Variants in CCDC34 observed in about 807,000 individuals in gnomAD.
The protein encoded by CCDC34 is coiled-coil domain containing 34, also known as coiled-coil domain-containing protein 34.
A neutral mutation model predicts 44.1 loss-of-function variants in CCDC34; 40 were observed. The observed-to-expected ratio is 0.91, with a 90% confidence interval of 0.70 to 1.18. The LOEUF (loss-of-function observed/expected upper bound fraction) is 1.18, where lower values mean the gene tolerates loss of function less well. Among genes scored for constraint, CCDC34 ranks in the 50% most tolerant of loss-of-function variants. CCDC34 has a pLI of 0.00. For missense variants in CCDC34, 466 were observed against 452.3 expected, an observed-to-expected ratio of 1.03 and a Z score of -0.28; for synonymous variants, 159 against 158.2, an observed-to-expected ratio of 1.01 and a Z score of -0.04.
chr11:27,340,000 G>A (rs1413031819), intron 5 of CCDC34, among the ~76,000 whole-genome samples: 3 of 151,310 alleles, frequency 2.0e-5, no homozygotes, highest in African/African-American at 7.3e-5. Context: ...ATATGAGAGA[G>A]GCCTAATCCT....
Position 27,362,949 on chromosome 11 carries a change from AC to A in CCDC34, c.245del (p.Gly82ValfsTer29), listed in dbSNP as rs1227935072. On this transcript the variant is annotated frameshift_variant, in exon 1 of 6. Coordinates refer to ENST00000328697, the MANE Select transcript of CCDC34 (RefSeq NM_030771.2). LOFTEE classifies it high-confidence loss of function. ...CCACGTCTTCCTCATCCTCCCCGTC[AC>A]CGTCGTCCTCGTCAAACTGGAAGCT... is the stretch of plus-strand genomic sequence containing the variant. ...HQSFQFDEDD[G>X]DGEDEEDVDD... The A allele has an allele frequency of 1.2e-6, 2 of 1,613,832 alleles. No homozygotes were observed. Among genetic ancestry groups the A allele is most frequent in the African/African-American group, 2.7e-5 (2 of 74,854 alleles).
chr11:27,341,950 G>A (rs921266399), intron 3 of CCDC34, among the ~76,000 whole-genome samples: 13 of 152,242 alleles, frequency 8.5e-5, no homozygotes, highest in Non-Finnish European at 1.8e-4. Flanking sequence ...TGGTGAATAA[G>A]TCTTGCAAGA....
chr11:27,354,311 T>A (rs141846446), intron 2 of CCDC34, among the ~76,000 whole-genome samples: 1 of 152,346 alleles, frequency 6.6e-6, no homozygotes, highest in Admixed American at 6.5e-5. Flanking sequence ...ATGCTTATCA[T>A]TGTGATAGGG....
intron 4 of CCDC34, 115 bp downstream of exon 4, chr11:27,341,277 G>A: frequency 3.2e-6 from 2 of 619,986 alleles, no homozygotes; most frequent in Non-Finnish European, 5.4e-6. Context: ...AGCTTCTTGT[G>A]TTTATTTTAT....
intron 5 of CCDC34, among the ~76,000 whole-genome samples, chr11:27,339,765 C>T (rs191182086): frequency 1.4e-3 from 216 of 152,194 alleles, no homozygotes; most frequent in Middle Eastern, 0.01. Context: ...GACAAATATG[C>T]TGTTTGTTAG....
At chr11:27,340,187 G>T (rs1184450816) in intron 5 of CCDC34, among the ~76,000 whole-genome samples, 4 of 152,100 alleles carry the variant, frequency 2.6e-5, no homozygotes, top group Non-Finnish European at 5.9e-5. Flanking sequence ...TGTCAGCAAG[G>T]TATGAGCTTC....
chr11:27,355,796 CACTTTTCCAGGAATAAAT>C (rs530905671), intron 2 of CCDC34, among the ~76,000 whole-genome samples: 9 of 152,108 alleles, frequency 5.9e-5, no homozygotes, highest in Non-Finnish European at 1.2e-4. Flanking sequence ...TCTCACAGCG[CACTTTTCCAGGAATAAAT>C]TTGTAATCTA....
In CCDC34 at chr11:27,350,344, T is replaced by C. The variant is rs780941577; in HGVS notation, c.594A>G (p.Lys198=). Residue 198 remains lysine, a synonymous_variant, in exon 3 of 6, where the codon AAA becomes AAG. Coordinates refer to ENST00000328697, the MANE Select transcript of CCDC34 (RefSeq NM_030771.2). ...TTCCCCTCCTTACTTGCTCATTCTT[T>C]TTCTGAACCCATTCCTTGTGCTTTT... ...AEEKHKEWVQ[K]KNEQKRKERE... The C allele has an allele frequency of 6.2e-7, 1 of 1,614,092 alleles. No individual in the cohort carries two copies. The highest frequency in any genetic ancestry group is 8.5e-7 in the Non-Finnish European group (1 of 1,179,998).
chr11:27,353,312 G>GT (rs1369591617), intron 2 of CCDC34, among the ~76,000 whole-genome samples: 1 of 149,438 alleles, frequency 6.7e-6, no homozygotes, highest in Non-Finnish European at 1.5e-5. Flanking sequence ...AGGCAAGATG[G>GT]TTAAAAAAAA....
intron 1 of CCDC34, among the ~76,000 whole-genome samples, chr11:27,362,541 G>A (rs539381245): frequency 6.6e-6 from 1 of 152,174 alleles, no homozygotes; most frequent in Non-Finnish European, 1.5e-5. Flanking sequence ...TTCATAGAAC[G>A]CCTGAAATGG....
chr11:27,348,395 G>T (rs1288220190), intron 3 of CCDC34, among the ~76,000 whole-genome samples: 2 of 152,070 alleles, frequency 1.3e-5, no homozygotes, highest in Non-Finnish European at 2.9e-5. Context: ...TAAAAGTAAA[G>T]GACCTTTTAC....
chr11:27,342,565 C>A (rs1031391168), intron 3 of CCDC34, among the ~76,000 whole-genome samples: 2 of 151,986 alleles, frequency 1.3e-5, no homozygotes, highest in Non-Finnish European at 2.9e-5. Context: ...CAAAGGGTGG[C>A]AAACTAAGCA....
At position 27,341,341 on chromosome 11, in the gene CCDC34, CAT is replaced by C. The variant is rs771808291; in HGVS notation, c.765+49_765+50del. ...TACTTTTTCTAAGATATAGTTGACA[CAT>C]ATGAACACCAAAGTTATGTATTCTA... On this transcript the variant is annotated intron_variant, in intron 4 of 5. Coordinates refer to ENST00000328697, the MANE Select transcript of CCDC34 (RefSeq NM_030771.2). The C allele has an allele frequency of 1.2e-5, 13 of 1,113,510 alleles. 1 individual carries two copies. The highest frequency in any genetic ancestry group is 1.6e-5 in the African/African-American group (1 of 62,682). The allele number at this position is 1,113,510 out of a possible 1,614,324, so 69.0% of individuals were successfully genotyped here. A position where few individuals can be genotyped will look rare whatever the true frequency, so the allele number is the denominator to read the frequency against.
At chr11:27,341,677 T>C in intron 3 of CCDC34, 127 bp from the exon 4 acceptor site, 2 of 521,454 alleles carry the variant, frequency 3.8e-6, no homozygotes. Context: ...ATCATGGCAG[T>C]TGGCACAACA....
chr11:27,342,314 TATAC>T (rs1395030440), intron 3 of CCDC34, among the ~76,000 whole-genome samples: 31 of 124,656 alleles, frequency 2.5e-4, no homozygotes, highest in Middle Eastern at 4.4e-3. Flanking sequence ...TATATATATA[TATAC>T]ACACACACAC....
chr11:27,340,190 T>G (rs543208873), intron 5 of CCDC34, among the ~76,000 whole-genome samples: 2 of 152,348 alleles, frequency 1.3e-5, no homozygotes, highest in South Asian at 4.1e-4. Flanking sequence ...CAGCAAGGTA[T>G]GAGCTTCCAA....
At position 27,362,777 on chromosome 11, in the gene CCDC34, T is replaced by C. The variant is rs1449046799; in HGVS notation, c.359+59A>G. ...GCAGGAGGATGTTAGAAGGGGGTAC[T>C]TAAGAGGGTCTAAGGAATCTTGAAA... On this transcript the variant is annotated intron_variant, in intron 1 of 5. Transcript: ENST00000328697. 10 of 1,561,248 alleles carry C rather than the reference T, an allele frequency of 6.4e-6. No homozygotes were observed. In the East Asian group the frequency reaches 2.0e-4, roughly 32 times the overall value.
At chr11:27,342,743 A>C (rs931497756) in intron 3 of CCDC34, among the ~76,000 whole-genome samples, 3 of 152,188 alleles carry the variant, frequency 2.0e-5, no homozygotes, top group African/African-American at 7.2e-5. Context: ...AGTTTAAAAT[A>C]TTCATTAACT....
At chr11:27,351,919 T>C (rs1006547594) in intron 2 of CCDC34, among the ~76,000 whole-genome samples, 7 of 152,094 alleles carry the variant, frequency 4.6e-5, no homozygotes, top group African/African-American at 1.4e-4. Context: ...GAAGGTCTTT[T>C]GAGACAGGCA....
Sources: gnomAD v4.1 joint callset for allele counts (sites outside exome capture counted in the v4.1 genomes callset) on GRCh38, gnomAD v4.1.1 for gene constraint, MANE v1.5 for transcripts, NCBI Gene and HGNC (gene_info 2026-07-23, HGNC 2026-07-21) for gene names.